The following CTNND2 variants were observed in gnomAD, a reference collection of about 807,000 sequenced individuals.
CTNND2 encodes the protein catenin delta-2.
In CTNND2, 22 loss-of-function variants were observed where a neutral mutation model predicts 144.4. The observed-to-expected ratio is 0.15, with a 90% confidence interval of 0.11 to 0.22. The LOEUF is 0.22. CTNND2 is among the 10% of genes least tolerant of loss of function. The pLI, the probability that CTNND2 is intolerant of heterozygous loss-of-function variation, is 1.00. For missense variants in CTNND2, 1,353 were observed against 1,618.8 expected, an observed-to-expected ratio of 0.84 and a Z score of 2.82; for synonymous variants, 751 against 695.6, an observed-to-expected ratio of 1.08 and a Z score of -1.25.
intron 12 of CTNND2, among the ~76,000 whole-genome samples, chr5:11,134,203 C>A (rs577077328): frequency 6.6e-6 from 1 of 152,108 alleles, no homozygotes; most frequent in Non-Finnish European, 1.5e-5. Flanking sequence ...AGGAAGGGAG[C>A]AATGAGCCAA....
chr5:11,487,653 CT>C (rs1768956882), intron 3 of CTNND2, among the ~76,000 whole-genome samples: 1 of 151,930 alleles, frequency 6.6e-6, no homozygotes. Context: ...ATTATATATG[CT>C]TATAATTAAA....
Position 11,542,245 on chromosome 5 carries a change from C to T in CTNND2, c.287+22699G>A, listed in dbSNP as rs16901729. On this transcript the variant is annotated intron_variant, in intron 3 of 21. Coordinates refer to ENST00000304623, the MANE Select transcript of CTNND2 (RefSeq NM_001332.4). ...GGACCCACCGCCTGTTAGGACAGAA[C>T]GCCTTCTTTTCAAGGAAGGTTAGAA... 3.6e-3 allele frequency among the ~76,000 whole-genome samples: 542 copies of T among 152,204 alleles called. 13 individuals carry two copies. In the East Asian group the frequency reaches 0.052, roughly 15 times the overall value.
At chr5:11,788,821 C>G (rs1790981881) in intron 1 of CTNND2, among the ~76,000 whole-genome samples, 1 of 134,594 alleles carries the variant, frequency 7.4e-6, no homozygotes, top group East Asian at 2.7e-4. Context: ...AATGCTATCC[C>G]TCCCCCCTCC....
chr5:11,854,970 C>T lies in CTNND2; in HGVS notation c.37+48847G>A, dbSNP rs185496484. Among the ~76,000 whole-genome samples, 352 of 152,244 alleles carry T rather than the reference C, an allele frequency of 2.3e-3. 5 individuals are homozygous for T. Among genetic ancestry groups the T allele is most frequent in the African/African-American group, 7.0e-3 (291 of 41,548 alleles). ...CTTCTAAACTGGGCCATTTGTGGTG[C>T]GCTGTCATTTTTCATAAAGCAAGTG... is the stretch of plus-strand genomic sequence containing the variant. On this transcript the variant is annotated intron_variant, in intron 1 of 21. Coordinates refer to ENST00000304623, the MANE Select transcript of CTNND2 (RefSeq NM_001332.4).
intron 10 of CTNND2, among the ~76,000 whole-genome samples, chr5:11,226,150 A>G (rs1740323866): frequency 6.6e-6 from 1 of 152,230 alleles, no homozygotes; most frequent in African/African-American, 2.4e-5. Context: ...ATTGTTCCAC[A>G]TCTCTCAGTT....
Position 11,302,672 on chromosome 5 carries a change from C to A in CTNND2, c.1628+43700G>T, listed in dbSNP as rs1053838965. Among the ~76,000 whole-genome samples, 3 of 152,152 alleles carry A rather than the reference C, an allele frequency of 2.0e-5. No homozygotes were observed. In the East Asian group the frequency reaches 5.8e-4, roughly 29 times the overall value. ...CACTGTCAGGTAATGGAGAAGAAAC[C>A]ATGCTGAGGAGTCACAGGACAATTT... On this transcript the variant is annotated intron_variant, in intron 9 of 21. Coordinates refer to ENST00000304623, the MANE Select transcript of CTNND2 (RefSeq NM_001332.4).
At chr5:11,527,255 A>G (rs918729476) in intron 3 of CTNND2, among the ~76,000 whole-genome samples, 2 of 152,226 alleles carry the variant, frequency 1.3e-5, no homozygotes, top group Non-Finnish European at 2.9e-5. Flanking sequence ...AAAAAAAGAA[A>G]AAACTAAGAT....
At chr5:11,706,404 T>C (rs1249918205) in intron 2 of CTNND2, among the ~76,000 whole-genome samples, 3 of 152,202 alleles carry the variant, frequency 2.0e-5, no homozygotes, top group Non-Finnish European at 2.9e-5. Context: ...CACCAGTGCT[T>C]TCCAAATATT....
chr5:11,371,726 T>C (rs1334228955), intron 7 of CTNND2, among the ~76,000 whole-genome samples: 1 of 152,246 alleles, frequency 6.6e-6, no homozygotes, highest in Non-Finnish European at 1.5e-5. Context: ...CATTACTTTG[T>C]TGTAATTAAT....
chr5:11,533,912 G>A (rs924188861), intron 3 of CTNND2, among the ~76,000 whole-genome samples: 2 of 152,304 alleles, frequency 1.3e-5, no homozygotes, highest in Admixed American at 1.3e-4. Context: ...GGGTGGGGAA[G>A]CTCACACATT....
At chr5:11,834,233 G>C (rs1355706558) in intron 1 of CTNND2, among the ~76,000 whole-genome samples, 1 of 152,206 alleles carries the variant, frequency 6.6e-6, no homozygotes, top group East Asian at 1.9e-4. Flanking sequence ...CATGGTAAAC[G>C]TATGCATGTA....
At chr5:11,586,166 A>G (rs1269911340) in intron 2 of CTNND2, among the ~76,000 whole-genome samples, 2 of 152,168 alleles carry the variant, frequency 1.3e-5, no homozygotes, top group African/African-American at 2.4e-5. Flanking sequence ...TGTGTCACTT[A>G]ATATTTATTC....
intron 1 of CTNND2, among the ~76,000 whole-genome samples, chr5:11,779,892 T>C (rs1211590080): frequency 1.3e-5 from 2 of 152,214 alleles, no homozygotes; most frequent in Admixed American, 1.3e-4. Flanking sequence ...TAATTCCATC[T>C]TCCCCTCTCT....
chr5:11,883,807 A>C (rs1253995935), intron 1 of CTNND2, among the ~76,000 whole-genome samples: 6 of 152,356 alleles, frequency 3.9e-5, no homozygotes, highest in African/African-American at 1.2e-4. Flanking sequence ...ACAGTGTAAA[A>C]GCATTCCTAT....
intron 3 of CTNND2, among the ~76,000 whole-genome samples, chr5:11,554,641 T>C (rs1171945093): frequency 6.6e-6 from 1 of 152,138 alleles, no homozygotes; most frequent in Non-Finnish European, 1.5e-5. Flanking sequence ...CTCAATAAAC[T>C]CTGCAATTAT....
In CTNND2 at chr5:11,814,089, T is replaced by C. The variant is rs188425161; in HGVS notation, c.38-81817A>G. Reference sequence around the variant, plus strand: ...ACATATATTTTCATCATCTATGTAATTACATTTACTTTATGTATCTATTAT... The same window carrying C: ...ACATATATTTTCATCATCTATGTAACTACATTTACTTTATGTATCTATTAT... On this transcript the variant is annotated intron_variant, in intron 1 of 21. Coordinates refer to ENST00000304623, the MANE Select transcript of CTNND2 (RefSeq NM_001332.4). Among the ~76,000 whole-genome samples the C allele has an allele frequency of 1.1e-4, 16 of 152,364 alleles. No homozygotes were observed. In the East Asian group the frequency reaches 3.1e-3, roughly 29 times the overall value.
intron 1 of CTNND2, among the ~76,000 whole-genome samples, chr5:11,862,717 A>T (rs1257259776): frequency 6.6e-6 from 1 of 152,200 alleles, no homozygotes; most frequent in Non-Finnish European, 1.5e-5. Context: ...TAATTATTAG[A>T]ACATTGTTTC....
At chr5:11,074,357 T>C (rs1748684216) in intron 16 of CTNND2, among the ~76,000 whole-genome samples, 1 of 152,200 alleles carries the variant, frequency 6.6e-6, no homozygotes, top group Non-Finnish European at 1.5e-5. Context: ...GGGTGCAATA[T>C]GATACTCTGA....
intron 19 of CTNND2, among the ~76,000 whole-genome samples, chr5:10,990,856 G>A (rs760666974): frequency 1.3e-5 from 2 of 152,172 alleles, no homozygotes; most frequent in Admixed American, 6.5e-5. Context: ...GCCTGCTCGC[G>A]AGAAAAGGCT....
Sources: gnomAD v4.1 joint callset for allele counts (sites outside exome capture counted in the v4.1 genomes callset) on GRCh38, gnomAD v4.1.1 for gene constraint, MANE v1.5 for transcripts, NCBI Gene and HGNC (gene_info 2026-07-23, HGNC 2026-07-21) for gene names.